The following EIF4G3 variants were observed in gnomAD, a reference collection of about 807,000 sequenced individuals.
EIF4G3 encodes the protein eukaryotic translation initiation factor 4 gamma 3.
In EIF4G3, 34 loss-of-function variants were observed where a neutral mutation model predicts 186.4. That is an observed-to-expected ratio of 0.18 (90% confidence interval 0.14 to 0.24). EIF4G3 has a LOEUF of 0.24. EIF4G3 is among the 10% of genes least tolerant of loss of function. EIF4G3 has a pLI of 1.00. For missense variants in EIF4G3, 1,536 were observed against 1,948.5 expected (o/e 0.79, Z 3.99); for synonymous variants, 673 against 679.5 (o/e 0.99, Z 0.15).
At chr1:20,861,959 G>C (rs1336902916) in intron 23 of EIF4G3, among the ~76,000 whole-genome samples, 2 of 151,598 alleles carry the variant, frequency 1.3e-5, no homozygotes, top group Non-Finnish European at 2.9e-5. Context: ...GGGCGACAGA[G>C]TGAGACTCTA....
At chr1:21,105,539 T>C (rs181586465) in intron 2 of EIF4G3, among the ~76,000 whole-genome samples, 1 of 150,528 alleles carries the variant, frequency 6.6e-6, no homozygotes, top group Non-Finnish European at 1.5e-5. Flanking sequence ...TATGTTTTTT[T>C]AAGATTAAAT....
Position 20,972,538 on chromosome 1 carries a change from G to A in EIF4G3, c.591+464C>T, listed in dbSNP as rs2076100816. 2.0e-5 allele frequency among the ~76,000 whole-genome samples: 3 copies of A among 152,084 alleles called. No homozygotes were observed. The South Asian group carries it at 6.2e-4, about 32-fold the overall frequency. ...AGTCCCAACTACTTGGGAGGCTGAG[G>A]CATGAGAATCGCTTGAGCCCCAGAA... is the stretch of plus-strand genomic sequence containing the variant. On this transcript the variant is annotated intron_variant, in intron 11 of 36. Coordinates refer to ENST00000602326, the MANE Select transcript of EIF4G3 (RefSeq NM_001391906.1).
intron 14 of EIF4G3, among the ~76,000 whole-genome samples, chr1:20,910,694 C>T (rs1218333718): frequency 6.6e-6 from 1 of 152,158 alleles, no homozygotes; most frequent in African/African-American, 2.4e-5. Flanking sequence ...TGTCAACAGG[C>T]AAATCACAGC....
chr1:20,990,903 AT>A (rs1282234129), intron 7 of EIF4G3, among the ~76,000 whole-genome samples: 2 of 152,238 alleles, frequency 1.3e-5, no homozygotes, highest in African/African-American at 4.8e-5. Flanking sequence ...AATACAAAAT[AT>A]GCTTCAGTAT....
At chr1:21,046,506 A>G (rs1571621715) in intron 4 of EIF4G3, among the ~76,000 whole-genome samples, 2 of 152,326 alleles carry the variant, frequency 1.3e-5, no homozygotes, top group East Asian at 3.9e-4. Flanking sequence ...CAAAGTTATG[A>G]AGTTCACTTT....
At chr1:21,092,255 G>GTTT (rs1002949575) in intron 2 of EIF4G3, among the ~76,000 whole-genome samples, 13 of 152,122 alleles carry the variant, frequency 8.5e-5, no homozygotes, top group African/African-American at 3.1e-4. Flanking sequence ...ATAATCATGT[G>GTTT]TTTTTGTCTT....
At chr1:21,052,779 C>A (rs376096098) in intron 3 of EIF4G3, among the ~76,000 whole-genome samples, 6 of 152,200 alleles carry the variant, frequency 3.9e-5, no homozygotes, top group Non-Finnish European at 8.8e-5. Context: ...GACGGGGTTT[C>A]GCTGTGTTGG....
chr1:21,161,873 C>T (rs1285229972), intron 2 of EIF4G3: 1 of 151,508 alleles, frequency 6.6e-6, no homozygotes, highest in Non-Finnish European at 1.5e-5. Flanking sequence ...GAGGCTGAGG[C>T]AGGAGAATCA....
chr1:21,023,261 CCTCCCT>C (rs1354673659), intron 4 of EIF4G3, among the ~76,000 whole-genome samples: 5 of 115,996 alleles, frequency 4.3e-5, no homozygotes, highest in African/African-American at 1.3e-4. Context: ...CCCCCCTCCC[CCTCCCT>C]CTCCCTCTCC....
intron 2 of EIF4G3, among the ~76,000 whole-genome samples, chr1:21,169,342 T>C (rs1462685568): frequency 2.0e-5 from 3 of 151,994 alleles, no homozygotes; most frequent in African/African-American, 7.3e-5. Flanking sequence ...TCCCAGCTAC[T>C]TGGGAGGCTG....
chr1:20,948,258 T>C (rs2096056912), intron 13 of EIF4G3, among the ~76,000 whole-genome samples: 1 of 152,196 alleles, frequency 6.6e-6, no homozygotes, highest in African/African-American at 2.4e-5. Context: ...GACTTTATCA[T>C]TGAAGGTAGC....
chr1:20,851,932 G>A (rs1409226660), intron 27 of EIF4G3, among the ~76,000 whole-genome samples: 2 of 152,128 alleles, frequency 1.3e-5, no homozygotes, highest in Non-Finnish European at 2.9e-5. Flanking sequence ...GCATGAGACT[G>A]GCCTGAAACT....
intron 3 of EIF4G3, among the ~76,000 whole-genome samples, chr1:21,063,382 A>C (rs1000013542): frequency 1.3e-5 from 2 of 152,176 alleles, no homozygotes; most frequent in African/African-American, 2.4e-5. Flanking sequence ...CTGCTGAGAG[A>C]GCGTTAAAAA....
chr1:20,962,891 T>C (rs1419513087), intron 12 of EIF4G3, among the ~76,000 whole-genome samples: 2 of 150,798 alleles, frequency 1.3e-5, no homozygotes, highest in South Asian at 2.1e-4. Context: ...GGATGTAATA[T>C]TGCCTCTTGT....
intron 2 of EIF4G3, among the ~76,000 whole-genome samples, chr1:21,125,643 TG>T (rs1192079121): frequency 6.6e-6 from 1 of 151,760 alleles, no homozygotes; most frequent in Admixed American, 6.6e-5. Flanking sequence ...CGCTTGAGCC[TG>T]GGAGGCAGAG....
chr1:21,049,472 A>G (rs772032053), intron 4 of EIF4G3, among the ~76,000 whole-genome samples: 15 of 152,206 alleles, frequency 9.9e-5, no homozygotes, highest in Non-Finnish European at 1.3e-4. Flanking sequence ...TTAAACAATC[A>G]GGAGCTCATT....
chr1:21,067,836 TAAAAAATAAAAA>T (rs2095302893), intron 3 of EIF4G3, among the ~76,000 whole-genome samples: 2 of 151,240 alleles, frequency 1.3e-5, no homozygotes, highest in African/African-American at 4.9e-5. Flanking sequence ...AAACTGCAGT[TAAAAAATAAAAA>T]AAGAGGCCAG....
chr1:20,860,764 A>T (rs1272539703), intron 23 of EIF4G3, among the ~76,000 whole-genome samples: 1 of 152,216 alleles, frequency 6.6e-6, no homozygotes, highest in Non-Finnish European at 1.5e-5. Context: ...TACAAAGAAC[A>T]GGGTGAAAGA....
chr1:21,008,553 G>A (rs1226155426), intron 4 of EIF4G3, among the ~76,000 whole-genome samples: 1 of 152,050 alleles, frequency 6.6e-6, no homozygotes, highest in African/African-American at 2.4e-5. Context: ...TGGTCAGGCT[G>A]GTCTCAAACT....
Sources: gnomAD v4.1 joint callset for allele counts (sites outside exome capture counted in the v4.1 genomes callset) on GRCh38, gnomAD v4.1.1 for gene constraint, MANE v1.5 for transcripts, NCBI Gene and HGNC (gene_info 2026-07-23, HGNC 2026-07-21) for gene names.